Variants in EIF3H observed in about 807,000 individuals in gnomAD.
EIF3H encodes the protein eukaryotic translation initiation factor 3 subunit H, also known as eIF-3-gamma.
EIF3H carries 26 observed loss-of-function variants against 44.2 expected under a neutral mutation model. The ratio of observed to expected loss-of-function variants is 0.59; its 90% CI spans 0.43 to 0.82. The LOEUF is 0.82. Among genes scored for constraint, EIF3H ranks in the 40% least tolerant of loss-of-function variants. The probability of loss-of-function intolerance (pLI) is 0.00; values close to 1 mark genes in which losing one functional copy is unlikely to be tolerated. For synonymous variants in EIF3H, 166 were observed against 151.9 expected (o/e 1.09, Z -0.68); for missense variants, 359 against 432.8 (o/e 0.83, Z 1.51).
At chr8:116,735,830 G>A (rs1815026740) in intron 1 of EIF3H, among the ~76,000 whole-genome samples, 2 of 151,652 alleles carry the variant, frequency 1.3e-5, no homozygotes, top group African/African-American at 2.4e-5. Context: ...CACAGCTAAA[G>A]GAGGCTGGGA....
intron 2 of EIF3H, among the ~76,000 whole-genome samples, chr8:116,687,542 A>G (rs1814097518): frequency 6.6e-6 from 1 of 151,170 alleles, no homozygotes; most frequent in Non-Finnish European, 1.5e-5. Context: ...TGTATCACAT[A>G]AAGACAAAAG....
upstream of EIF3H, chr8:116,755,852 A>C: frequency 6.2e-7 from 1 of 1,601,764 alleles, no homozygotes. Context: ...GCGGAAGTAC[A>C]AGTCTCGCGT....
chr8:116,762,732 G>A (rs753548697), intron 1 of EIF3H, among the ~76,000 whole-genome samples: 1 of 152,140 alleles, frequency 6.6e-6, no homozygotes, highest in Non-Finnish European at 1.5e-5. Flanking sequence ...TCAGGAGTTC[G>A]AGACCAGCCT....
At chr8:116,739,852 G>T (rs1035143186) in intron 1 of EIF3H, among the ~76,000 whole-genome samples, 6 of 152,162 alleles carry the variant, frequency 3.9e-5, no homozygotes, top group Non-Finnish European at 7.3e-5. Context: ...GATGCCATTA[G>T]CCAAAATAGA....
At chr8:116,700,332 C>T (rs1324382503) in intron 2 of EIF3H, among the ~76,000 whole-genome samples, 1 of 152,162 alleles carries the variant, frequency 6.6e-6, no homozygotes, top group East Asian at 1.9e-4. Flanking sequence ...GTACAACCTG[C>T]GGCCCAGGAC....
At position 116,713,183 on chromosome 8, in the gene EIF3H, T is replaced by C. The variant is rs1013786175; in HGVS notation, c.289+12833A>G. 3.3e-5 allele frequency among the ~76,000 whole-genome samples: 5 copies of C among 152,114 alleles called. No individual in the cohort carries two copies. In the East Asian group the frequency reaches 7.7e-4, roughly 23 times the overall value. On this transcript the variant is annotated intron_variant, in intron 2 of 7. Transcript: ENST00000521861. ...TAATTTAAGGATTACATTTTTAGAC[T>C]TGGGGAAACTTAGGAATTTTAAATA...
chr8:116,677,190 T>A (rs1235980201), intron 2 of EIF3H, among the ~76,000 whole-genome samples: 1 of 152,212 alleles, frequency 6.6e-6, no homozygotes, highest in Non-Finnish European at 1.5e-5. Flanking sequence ...TTTACTTACG[T>A]CTTTTGCAGA....
intron 5 of EIF3H, 52 bp from the exon 6 acceptor site, chr8:116,648,978 G>A: frequency 1.3e-6 from 2 of 1,535,120 alleles, no homozygotes; most frequent in Middle Eastern, 1.7e-4. Context: ...TTATAGCTTT[G>A]CTACTGCTCT....
chr8:116,725,980 G>A (rs1814829290), intron 2 of EIF3H, 36 bp downstream of exon 2: 1 of 1,596,870 alleles, frequency 6.3e-7, no homozygotes, highest in African/African-American at 1.3e-5. Context: ...CCATTTGTAT[G>A]CACTGCAAAG....
intron 2 of EIF3H, among the ~76,000 whole-genome samples, chr8:116,691,756 T>C (rs1814178873): frequency 6.6e-6 from 1 of 151,928 alleles, no homozygotes. Flanking sequence ...ACGCTTGTAA[T>C]TCCAGCTACC....
At chr8:116,712,234 A>C (rs547542082) in intron 2 of EIF3H, among the ~76,000 whole-genome samples, 1 of 152,334 alleles carries the variant, frequency 6.6e-6, no homozygotes, top group South Asian at 2.1e-4. Flanking sequence ...TGAGGTTAGT[A>C]GCCTACCACC....
At chr8:116,663,625 A>G (rs1813616879) in intron 2 of EIF3H, among the ~76,000 whole-genome samples, 3 of 152,168 alleles carry the variant, frequency 2.0e-5, no homozygotes, top group African/African-American at 7.2e-5. Flanking sequence ...TATGCAACAC[A>G]TAAATTTCAA....
intron 1 of EIF3H, among the ~76,000 whole-genome samples, chr8:116,733,500 A>G (rs1459135891): frequency 6.6e-6 from 1 of 152,196 alleles, no homozygotes; most frequent in Non-Finnish European, 1.5e-5. Flanking sequence ...ATTATGAATA[A>G]AAGACAGTCC....
At position 116,643,753 on chromosome 8, in the gene EIF3H, A is replaced by C. The variant is rs1441427806; in HGVS notation, c.*1253T>G. Reference sequence around the variant, plus strand: ...CCTTCAAAACAATGTTGTCCAAAAAATGAATTTCTCGACTCTCCTGATCTT... The same window carrying C: ...CCTTCAAAACAATGTTGTCCAAAAACTGAATTTCTCGACTCTCCTGATCTT... On this transcript the variant is annotated 3_prime_UTR_variant, in exon 8 of 8. Transcript: ENST00000521861. The C allele has an allele frequency of 6.6e-6, 1 of 152,182 alleles. No individual in the cohort carries two copies. Among genetic ancestry groups the C allele is most frequent in the East Asian group, 1.9e-4 (1 of 5,186 alleles). The allele number at this position is 152,182 out of a possible 1,614,324, so 9.4% of individuals were successfully genotyped here. A position where few individuals can be genotyped will look rare whatever the true frequency, so the allele number is the denominator to read the frequency against.
intron 1 of EIF3H, among the ~76,000 whole-genome samples, chr8:116,761,732 C>T (rs957560252): frequency 6.6e-6 from 1 of 152,160 alleles, no homozygotes; most frequent in African/African-American, 2.4e-5. Flanking sequence ...GAAATATCCT[C>T]GAGAAACAGA....
chr8:116,695,734 GTGGAGTCAGAGAC>G (rs1814259989), intron 2 of EIF3H, among the ~76,000 whole-genome samples: 2 of 152,214 alleles, frequency 1.3e-5, no homozygotes, highest in Non-Finnish European at 2.9e-5. Context: ...GGGATGGTAT[GTGGAGTCAGAGAC>G]TGAGCAAGGT....
intron 2 of EIF3H, among the ~76,000 whole-genome samples, chr8:116,669,427 T>A (rs1266394279): frequency 6.6e-6 from 1 of 152,104 alleles, no homozygotes. Context: ...AGGAAAACAC[T>A]GAGAAGAGCA....
chr8:116,722,000 T>C (rs967913816), intron 2 of EIF3H, among the ~76,000 whole-genome samples: 5 of 152,150 alleles, frequency 3.3e-5, no homozygotes, highest in East Asian at 1.9e-4. Context: ...GAAGGCATGA[T>C]TGGTTTTGAA....
chr8:116,727,352 G>T (rs1318056655), intron 1 of EIF3H, among the ~76,000 whole-genome samples: 2 of 152,232 alleles, frequency 1.3e-5, no homozygotes, highest in Non-Finnish European at 2.9e-5. Flanking sequence ...GGAGCAAAGG[G>T]AAAACAGGCC....
Sources: allele counts gnomAD v4.1 joint callset (sites outside exome capture counted in the v4.1 genomes callset), GRCh38; gene constraint gnomAD v4.1.1; transcripts MANE v1.5; gene names NCBI Gene and HGNC (gene_info 2026-07-23, HGNC 2026-07-21).